The following CDK2 variants were observed in gnomAD, a reference collection of about 807,000 sequenced individuals.
CDK2 encodes the protein cyclin-dependent kinase 2.
CDK2 carries 8 observed loss-of-function variants against 35.0 expected under a neutral mutation model. That is an observed-to-expected ratio of 0.23 (90% CI 0.13 to 0.41). The LOEUF is 0.41. CDK2 is among the 10% of genes least tolerant of loss of function. The probability of loss-of-function intolerance (pLI) is 1.00; values close to 1 mark genes in which losing one functional copy is unlikely to be tolerated. For synonymous variants in CDK2, 134 were observed against 137.7 expected (o/e 0.97, Z 0.19); for missense variants, 201 against 367.1 (o/e 0.55, Z 3.70).
rs566502696 is a variant in CDK2, at chr12:55,971,556, G to T, written c.828G>T (p.Ser276=). The T allele has an allele frequency of 2.5e-6, 4 of 1,614,022 alleles. No homozygotes were observed. The highest frequency in any genetic ancestry group is 2.5e-6 in the Non-Finnish European group (3 of 1,179,972). ...MLHYDPNKRI[S]AKAALAHPFF... is the part of the protein sequence containing the mutation. ...ACTACGACCCTAACAAGCGGATTTC[G>T]GCCAAGGCAGCCCTGGCTCACCCTT... The change falls in exon 7 of 7, where the codon TCG becomes TCT. Residue 276 remains serine, a synonymous_variant. Coordinates refer to ENST00000266970, the MANE Select transcript of CDK2 (RefSeq NM_001798.5).
In CDK2 at chr12:55,966,895, C is replaced by T; in HGVS notation, c.-114C>T. The T allele has an allele frequency of 1.1e-6, 1 of 951,880 alleles. No individual in the cohort carries two copies. Among genetic ancestry groups the T allele is most frequent in the Non-Finnish European group, 1.6e-6 (1 of 633,672 alleles). 59.0% of individuals were successfully genotyped at this position (951,880 alleles called of 1,614,324 possible). ...ACTGCGTTCCATCCCGACCCGGGGC[C>T]ACGGTACTGGGCCCTGTTTCCCCCT... On this transcript the variant is annotated 5_prime_UTR_variant, in exon 1 of 7. Transcript: ENST00000266970.
chr12:55,968,233 C>T (rs1889386246), intron 3 of CDK2, 64 bp downstream of exon 3: 7 of 1,591,484 alleles, frequency 4.4e-6, no homozygotes, highest in Middle Eastern at 1.7e-4. Flanking sequence ...GCAGGCAATT[C>T]AGGGTGATAT....
chr12:55,967,261 G>A (rs1889347207), intron 1 of CDK2, 137 bp downstream of exon 1: 1 of 669,418 alleles, frequency 1.5e-6, no homozygotes, highest in Non-Finnish European at 2.7e-6. Flanking sequence ...AGGTGGGTTG[G>A]GGGCCAGTAG....
rs1261658227 is a variant in CDK2 at position 55,968,164 on chromosome 12, A to G, written c.310A>G (p.Ile104Val). 2 of 1,614,038 alleles carry G rather than the reference A, an allele frequency of 1.2e-6. No homozygotes were observed. The highest frequency in any genetic ancestry group is 1.1e-5 in the South Asian group (1 of 91,068). ...TCTCACTGGCATTCCTCTTCCCCTCATCAAGGTAATGCTTCTCATCAGCTC... is the reference window on the plus strand; with the variant it reads ...TCTCACTGGCATTCCTCTTCCCCTCGTCAAGGTAATGCTTCTCATCAGCTC... ...SALTGIPLPL[I>V]KSYLFQLLQG... The change falls in exon 3 of 7, where the codon ATC becomes GTC. Residue 104 changes from isoleucine (I) to valine (V), a missense_variant. This residue lies in a region of CDK2 where 47 missense variants were observed against 59.5 expected (regional missense o/e 0.79). Transcript: ENST00000266970.
chr12:55,969,469 C>T lies in CDK2; in HGVS notation c.487-6C>T. Reference sequence around the variant, plus strand: ...CACCCCGCCCCTCCCTATTCCCGTCCCTCAGGTGGTGACCCTGTGGTACCG... The same window carrying T: ...CACCCCGCCCCTCCCTATTCCCGTCTCTCAGGTGGTGACCCTGTGGTACCG... On this transcript the variant is annotated splice_polypyrimidine_tract_variant and splice_region_variant and intron_variant, in intron 4 of 6. Transcript: ENST00000266970. 1 of 1,573,908 alleles carries T rather than the reference C, an allele frequency of 6.4e-7. No individual in the cohort carries two copies. Among genetic ancestry groups the T allele is most frequent in the South Asian group, 1.1e-5 (1 of 88,608 alleles).
At chr12:55,967,564 G>A in intron 1 of CDK2, 2 of 480,688 alleles carry the variant, frequency 4.2e-6, no homozygotes, top group East Asian at 3.7e-5. Flanking sequence ...GCCCCTCTGG[G>A]GAGGCTGGGG....
At position 55,967,633 on chromosome 12, in the gene CDK2, G is replaced by A. The variant is rs1889362742; in HGVS notation, c.117-224G>A. Reference sequence around the variant, plus strand: ...CTCCCTGCTTCACCTTCACCAGGCGGCTTTACTTACCTACCCCTGGGAAAA... The same window carrying A: ...CTCCCTGCTTCACCTTCACCAGGCGACTTTACTTACCTACCCCTGGGAAAA... On this transcript the variant is annotated intron_variant, in intron 1 of 6. Transcript: ENST00000266970. 3 of 562,540 alleles carry A rather than the reference G, an allele frequency of 5.3e-6. No individual in the cohort carries two copies. In the East Asian group the frequency reaches 8.8e-5, roughly 17 times the overall value. 34.8% of individuals were successfully genotyped at this position (562,540 alleles called of 1,614,324 possible).
At chr12:55,970,666 C>T in intron 5 of CDK2, 1 of 702,408 alleles carries the variant, frequency 1.4e-6, no homozygotes, top group Non-Finnish European at 2.6e-6. Context: ...GACAGAGTCT[C>T]TGCCCGCTGT....
chr12:55,968,009 C>G, intron 2 of CDK2, 40 bp from the exon 3 acceptor site: 1 of 1,613,882 alleles, frequency 6.2e-7, no homozygotes, highest in South Asian at 1.1e-5. Flanking sequence ...GCATTTCTCT[C>G]TCTCACACAC....
chr12:55,967,923 T>C lies in CDK2; in HGVS notation c.183T>C (p.Pro61=). ...CTCTGCTTAAGGAGCTTAACCATCCTAATATTGTCAAGTAAGTATGCGTCT... is the reference window on the plus strand; with the variant it reads ...CTCTGCTTAAGGAGCTTAACCATCCCAATATTGTCAAGTAAGTATGCGTCT... ...EISLLKELNH[P]NIVKLLDVIH... The change falls in exon 2 of 7, where the codon CCT becomes CCC. Residue 61 remains proline, a synonymous_variant. Coordinates refer to ENST00000266970, the MANE Select transcript of CDK2 (RefSeq NM_001798.5). 1.2e-6 allele frequency: 2 copies of C among 1,614,020 alleles called. No individual in the cohort carries two copies.
chr12:55,968,679 C>A, intron 3 of CDK2, 99 bp from the exon 4 acceptor site: 2 of 872,330 alleles, frequency 2.3e-6, no homozygotes, highest in Non-Finnish European at 3.4e-6. Flanking sequence ...AACTATAATC[C>A]AACATAATAA....
chr12:55,971,826 A>G lies in CDK2; in HGVS notation c.*201A>G. On this transcript the variant is annotated 3_prime_UTR_variant, in exon 7 of 7. Transcript: ENST00000266970. ...GAAAATGAAAGGAAGTTTCAGTATT[A>G]GATGCACTTAAGTTAGCCTCCACCA... The G allele has an allele frequency of 1.8e-6, 1 of 552,954 alleles. No homozygotes were observed. Among genetic ancestry groups the G allele is most frequent in the Non-Finnish European group, 3.2e-6 (1 of 312,176 alleles). 34.3% of individuals were successfully genotyped at this position (552,954 alleles called of 1,614,324 possible).
chr12:55,971,341 AGTGTTTCATT>A, intron 6 of CDK2, 94 bp downstream of exon 6: 1 of 1,292,858 alleles, frequency 7.7e-7, no homozygotes, highest in Non-Finnish European at 1.1e-6. Flanking sequence ...TCTGGGCCTC[AGTGTTTCATT>A]TCCCTGGTTC....
chr12:55,967,881 T>C lies in CDK2; in HGVS notation c.141T>C (p.Thr47=). ...LDTETEGVPS[T]AIREISLLKE... ...GTGAGACTGAGGGTGTGCCCAGTAC[T>C]GCCATCCGAGAGATCTCTCTGCTTA... The change falls in exon 2 of 7, where the codon ACT becomes ACC. Residue 47 remains threonine (T), a synonymous_variant. Transcript: ENST00000266970. 1 of 1,614,098 alleles carries C rather than the reference T, an allele frequency of 6.2e-7. No homozygotes were observed. Among genetic ancestry groups the C allele is most frequent in the Non-Finnish European group, 8.5e-7 (1 of 1,179,958 alleles).
At position 55,972,655 on chromosome 12, in the gene CDK2, C is replaced by T. The variant is rs1179100387; in HGVS notation, c.*1030C>T. On this transcript the variant is annotated 3_prime_UTR_variant, in exon 7 of 7. Transcript: ENST00000266970. The stretch of plus-strand genomic sequence containing the variant: ...TGTGCACCTTGGGGTTTTGTAATGA[C>T]AGTGCTAAAAAAAAAAAGCATTTTT... 7.9e-6 allele frequency: 1 copy of T among 127,092 alleles called. No individual in the cohort carries two copies. The highest frequency in any genetic ancestry group is 2.5e-4 in the South Asian group (1 of 3,984). The allele number at this position is 127,092 out of a possible 1,614,324, so 7.9% of individuals were successfully genotyped here. A position where few individuals can be genotyped will look rare whatever the true frequency, so the allele number is the denominator to read the frequency against.
rs1375503673 is a variant in CDK2, at chr12:55,971,128, G to A, written c.673G>A (p.Val225Met). The A allele has an allele frequency of 9.3e-6, 15 of 1,614,056 alleles. No individual in the cohort carries two copies. Among genetic ancestry groups the A allele is most frequent in the Non-Finnish European group, 1.3e-5 (15 of 1,180,046 alleles). ...TCGGACTCTGGGGACCCCAGATGAG[G>A]TGGTGTGGCCAGGAGTTACTTCTAT... ...IFRTLGTPDE[V>M]VWPGVTSMPD... The change falls in exon 6 of 7, where the codon GTG becomes ATG. Residue 225 changes from valine (V) to methionine (M), a missense_variant. Physicochemically the swap from Val to Met is conservative, Grantham distance 21. Around this residue, in one of 5 missense-constraint regions of CDK2, gnomAD observed 106 missense variants for 141.3 expected, o/e 0.75. Coordinates refer to ENST00000266970, the MANE Select transcript of CDK2 (RefSeq NM_001798.5).
rs1026803957 is a variant in CDK2 at position 55,972,367 on chromosome 12, T to C, written c.*742T>C. 2.6e-5 allele frequency: 4 copies of C among 152,158 alleles called. No homozygotes were observed. Among genetic ancestry groups the C allele is most frequent in the African/African-American group, 4.8e-5 (2 of 41,424 alleles). The allele number at this position is 152,158 out of a possible 1,614,324, so 9.4% of individuals were successfully genotyped here. ...TTGAATTTTTCTCTTCCTTTTAGTA[T>C]TCTTAGTTGTTCAGTTGCCAAGGAT... On this transcript the variant is annotated 3_prime_UTR_variant, in exon 7 of 7. Coordinates refer to ENST00000266970, the MANE Select transcript of CDK2 (RefSeq NM_001798.5).
At chr12:55,969,866 A>G (rs562410767) in intron 5 of CDK2, 2 of 242,320 alleles carry the variant, frequency 8.3e-6, no homozygotes, top group Admixed American at 5.6e-5. Flanking sequence ...ATTTGGGAGA[A>G]TGATTCCATT....
chr12:55,968,441 C>T lies in CDK2; in HGVS notation c.315+272C>T, dbSNP rs553194162. 83 of 486,060 alleles carry T rather than the reference C, an allele frequency of 1.7e-4. 1 individual carries two copies. In the South Asian group the frequency reaches 2.6e-3, roughly 15 times the overall value. The allele number at this position is 486,060 out of a possible 1,614,324, so 30.1% of individuals were successfully genotyped here. Reference sequence around the variant, plus strand: ...CTCAGATAAACGGGATTTGAGAGCACTTGGTAAATTCCTCCAAAAAGCCCT... The same window carrying T: ...CTCAGATAAACGGGATTTGAGAGCATTTGGTAAATTCCTCCAAAAAGCCCT... On this transcript the variant is annotated intron_variant, in intron 3 of 6. Coordinates refer to ENST00000266970, the MANE Select transcript of CDK2 (RefSeq NM_001798.5).
Sources: allele counts gnomAD v4.1 joint callset, GRCh38; gene constraint gnomAD v4.1.1; regional missense constraint gnomAD v4.1.1; transcripts MANE v1.5; gene names NCBI Gene and HGNC (gene_info 2026-07-23, HGNC 2026-07-21).